Variants in CDKAL1 observed in about 807,000 individuals in gnomAD.
CDKAL1 encodes the protein threonylcarbamoyladenosine tRNA methylthiotransferase.
Under a neutral mutation model 68.2 loss-of-function variants are expected in CDKAL1, and 32 were observed. The ratio of observed to expected loss-of-function variants is 0.47; its 90% CI spans 0.35 to 0.63. The LOEUF is 0.63. Ranked by LOEUF, CDKAL1 falls within the 30% of genes least tolerant of loss-of-function variation. The probability of loss-of-function intolerance (pLI) is 0.00; values close to 1 mark genes in which losing one functional copy is unlikely to be tolerated. For synonymous variants in CDKAL1, 234 were observed against 244.3 expected, an observed-to-expected ratio of 0.96 and a Z score of 0.39; for missense variants, 606 against 696.7, an observed-to-expected ratio of 0.87 and a Z score of 1.47.
At chr6:20,782,522 A>G (rs1028386402) in intron 8 of CDKAL1, among the ~76,000 whole-genome samples, 4 of 152,128 alleles carry the variant, frequency 2.6e-5, no homozygotes, top group Non-Finnish European at 5.9e-5. Context: ...AAACATTATA[A>G]TACTTTCCCG....
chr6:20,712,132 G>T (rs1461793994), intron 5 of CDKAL1, among the ~76,000 whole-genome samples: 3 of 152,074 alleles, frequency 2.0e-5, no homozygotes, highest in African/African-American at 7.2e-5. Flanking sequence ...AACCTGAGTT[G>T]GCAAACAAAA....
intron 8 of CDKAL1, among the ~76,000 whole-genome samples, chr6:20,830,851 G>T (rs564942811): frequency 6.6e-6 from 1 of 152,252 alleles, no homozygotes; most frequent in East Asian, 1.9e-4. Flanking sequence ...AAACTAATTA[G>T]CTGAATCACT....
intron 11 of CDKAL1, among the ~76,000 whole-genome samples, chr6:21,026,765 A>G (rs138655162): frequency 6.6e-6 from 1 of 152,296 alleles, no homozygotes; most frequent in East Asian, 1.9e-4. Flanking sequence ...CTATGATGTT[A>G]TCAGAGAAAA....
At chr6:21,206,298 A>G (rs1778934090) in intron 15 of CDKAL1, among the ~76,000 whole-genome samples, 1 of 152,238 alleles carries the variant, frequency 6.6e-6, no homozygotes, top group African/African-American at 2.4e-5. Flanking sequence ...AAATGAGAAA[A>G]TGGGCAGTTT....
chr6:20,801,717 A>G (rs1408020030), intron 8 of CDKAL1, among the ~76,000 whole-genome samples: 1 of 152,202 alleles, frequency 6.6e-6, no homozygotes, highest in Non-Finnish European at 1.5e-5. Context: ...ACCTGTGACC[A>G]GATAGTATTT....
intron 9 of CDKAL1, among the ~76,000 whole-genome samples, chr6:20,950,076 G>C (rs1038775433): frequency 3.3e-5 from 5 of 151,840 alleles, no homozygotes; most frequent in Admixed American, 3.3e-4. Context: ...AGGCACGAGC[G>C]CCCGGCCTCA....
At chr6:21,039,599 C>G (rs535318315) in intron 11 of CDKAL1, among the ~76,000 whole-genome samples, 4 of 152,082 alleles carry the variant, frequency 2.6e-5, no homozygotes, top group Non-Finnish European at 5.9e-5. Flanking sequence ...TACCTTTGCA[C>G]CTGTATTTTT....
At chr6:20,767,506 A>T (rs897319634) in intron 7 of CDKAL1, among the ~76,000 whole-genome samples, 1 of 152,090 alleles carries the variant, frequency 6.6e-6, no homozygotes, top group African/African-American at 2.4e-5. Flanking sequence ...GAAATAATTT[A>T]TTATGTCACA....
intron 11 of CDKAL1, among the ~76,000 whole-genome samples, chr6:21,053,818 T>G (rs1770676223): frequency 6.6e-6 from 1 of 152,200 alleles, no homozygotes; most frequent in African/African-American, 2.4e-5. Context: ...TTGTGTTGTC[T>G]TCCTGTTAGT....
At chr6:20,688,560 T>G (rs1229574840) in intron 5 of CDKAL1, among the ~76,000 whole-genome samples, 1 of 152,230 alleles carries the variant, frequency 6.6e-6, no homozygotes. Flanking sequence ...AAGTCATTCT[T>G]CATTTCCGTT....
At chr6:20,597,767 GA>G (rs1765898486) in intron 4 of CDKAL1, among the ~76,000 whole-genome samples, 1 of 152,108 alleles carries the variant, frequency 6.6e-6, no homozygotes, top group South Asian at 2.1e-4. Context: ...TTTCTCTCCT[GA>G]AAACCCTGCC....
intron 5 of CDKAL1, among the ~76,000 whole-genome samples, chr6:20,659,798 T>A (rs911845811): frequency 6.6e-6 from 1 of 152,144 alleles, no homozygotes; most frequent in African/African-American, 2.4e-5. Flanking sequence ...TTTCCATTAG[T>A]ATTGCCCATC....
chr6:20,882,284 C>CTGGTTTGCTAACTCCCTTTTAGCTCAT (rs1760863515), intron 9 of CDKAL1, among the ~76,000 whole-genome samples: 1 of 152,176 alleles, frequency 6.6e-6, no homozygotes, highest in Non-Finnish European at 1.5e-5. Flanking sequence ...TAAGTTTCCC[C>CTGGTTTGCTAACTCCCTTTTAGCTCAT]TGGTTTGCTA....
chr6:20,889,035 G>C (rs994762056), intron 9 of CDKAL1, among the ~76,000 whole-genome samples: 6 of 152,124 alleles, frequency 3.9e-5, no homozygotes, highest in African/African-American at 1.4e-4. Context: ...AGCACCTGTT[G>C]TTTCCTGACT....
At chr6:21,212,765 G>A (rs1350500675) in intron 15 of CDKAL1, among the ~76,000 whole-genome samples, 1 of 152,170 alleles carries the variant, frequency 6.6e-6, no homozygotes, top group Non-Finnish European at 1.5e-5. Context: ...ATGCATGCAA[G>A]CAGTGTTTTA....
chr6:20,674,839 T>C (rs1363499901), intron 5 of CDKAL1, among the ~76,000 whole-genome samples: 1 of 152,212 alleles, frequency 6.6e-6, no homozygotes, highest in African/African-American at 2.4e-5. Context: ...TGTGCCTGGA[T>C]TATTTCACTT....
chr6:20,609,834 A>G (rs1766539216), intron 4 of CDKAL1, among the ~76,000 whole-genome samples: 1 of 152,056 alleles, frequency 6.6e-6, no homozygotes, highest in African/African-American at 2.4e-5. Context: ...TTACATAGGT[A>G]AACTTGTGTC....
At chr6:20,721,477 AG>A (rs1772356962) in intron 5 of CDKAL1, among the ~76,000 whole-genome samples, 1 of 152,142 alleles carries the variant, frequency 6.6e-6, no homozygotes, top group Non-Finnish European at 1.5e-5. Context: ...ATGGACACTT[AG>A]GTTGATTCTA....
At chr6:20,854,911 C>G (rs928809391) in intron 9 of CDKAL1, among the ~76,000 whole-genome samples, 2 of 152,172 alleles carry the variant, frequency 1.3e-5, no homozygotes, top group Non-Finnish European at 2.9e-5. Context: ...AAAATTGGAA[C>G]ACAGGAAAGT....
Sources: gnomAD v4.1 joint callset for allele counts (sites outside exome capture counted in the v4.1 genomes callset) on GRCh38, gnomAD v4.1.1 for gene constraint, MANE v1.5 for transcripts, NCBI Gene and HGNC (gene_info 2026-07-23, HGNC 2026-07-21) for gene names.